The following MMS19 variants were observed in gnomAD, a reference collection of about 807,000 sequenced individuals.
MMS19 encodes MMS19 cytosolic iron-sulfur assembly component.
MMS19 carries 77 observed loss-of-function variants against 129.8 expected under a neutral mutation model. The ratio of observed to expected loss-of-function variants is 0.59; its 90% CI spans 0.49 to 0.72. The LOEUF (loss-of-function observed/expected upper bound fraction) is 0.72, where lower values mean the gene tolerates loss of function less well. Among genes scored for constraint, MMS19 ranks in the 30% least tolerant of loss-of-function variants. The probability of loss-of-function intolerance (pLI) is 0.00; values close to 1 mark genes in which losing one functional copy is unlikely to be tolerated. For missense variants in MMS19, 1,168 were observed against 1,266.3 expected (o/e 0.92, Z 1.18); for synonymous variants, 491 against 502.8 (o/e 0.98, Z 0.31).
At position 97,476,636 on chromosome 10, in the gene MMS19, G is replaced by GC. The variant is rs1207243753; in HGVS notation, c.684+46dup. 3 of 1,584,216 alleles carry GC rather than the reference G, an allele frequency of 1.9e-6. No individual in the cohort carries two copies. In the African/African-American group the frequency reaches 4.0e-5, roughly 21 times the overall value. ...TGCCCAGAACAGGGCTTGGCACATA[G>GC]CAGACACTCAATAAATATATGATCA... is the stretch of plus-strand genomic sequence containing the variant. On this transcript the variant is annotated intron_variant, in intron 8 of 30. Transcript: ENST00000438925.
intron 3 of MMS19, among the ~76,000 whole-genome samples, chr10:97,479,931 G>A (rs2036443586): frequency 6.6e-6 from 1 of 152,046 alleles, no homozygotes; most frequent in Non-Finnish European, 1.5e-5. Context: ...AAAGTTTCCT[G>A]TAAAGCCCTG....
intron 8 of MMS19, among the ~76,000 whole-genome samples, chr10:97,476,197 CTTCT>C (rs748773556): frequency 4.6e-5 from 7 of 152,186 alleles, no homozygotes; most frequent in Non-Finnish European, 5.9e-5. Context: ...ACAATTGTGC[CTTCT>C]TTGTTTTGTC....
chr10:97,460,984 G>A lies in MMS19; in HGVS notation c.2335C>T (p.Gln779Ter). ...PAGQQLDEFL[Q>*]LAVDKVEAGL... is the part of the protein sequence containing the mutation. ...GCCTCCACTTTGTCCACAGCTAGCT[G>A]TAGGAATTCATCCAGCTGCTGCCCT... The change falls in exon 24 of 31, where the codon CAG (glutamine) becomes TAG (stop). Residue 779 changes from glutamine (Q) to a stop codon, truncating the protein, a stop_gained. Coordinates refer to ENST00000438925, the MANE Select transcript of MMS19 (RefSeq NM_022362.5). LOFTEE classifies it high-confidence loss of function. 6.4e-7 allele frequency: 1 copy of A among 1,566,750 alleles called. No homozygotes were observed. The highest frequency in any genetic ancestry group is 1.2e-5 in the South Asian group (1 of 85,116).
intron 2 of MMS19, among the ~76,000 whole-genome samples, chr10:97,482,737 TACACACACAC>T (rs764606344): frequency 0.016 from 1,592 of 98,426 alleles, 9 homozygotes; most frequent in Non-Finnish European, 0.022. Context: ...TGTATATATA[TACACACACAC>T]ACACACACAC....
chr10:97,481,977 C>T (rs1315965761), intron 2 of MMS19, among the ~76,000 whole-genome samples: 4 of 152,136 alleles, frequency 2.6e-5, no homozygotes, highest in Non-Finnish European at 4.4e-5. Flanking sequence ...GCAGTCGTGA[C>T]CAGCCTGGGC....
rs754281666 is a variant in MMS19 at position 97,494,032 on chromosome 10, C to CA, written c.112+4240dup. Among the ~76,000 whole-genome samples, 4 of 151,984 alleles carry CA rather than the reference C, an allele frequency of 2.6e-5. No individual in the cohort carries two copies. In the East Asian group the frequency reaches 5.8e-4, roughly 22 times the overall value. On this transcript the variant is annotated intron_variant, in intron 1 of 30. Transcript: ENST00000438925. ...TCCATCTCAAAAGCAAACAAACAAACAACAACAACAACACACCCGTAATAC... is the reference window on the plus strand; with the variant it reads ...TCCATCTCAAAAGCAAACAAACAAACAAACAACAACAACACACCCGTAATAC...
intron 14 of MMS19, 85 bp downstream of exon 14, chr10:97,467,420 T>G: frequency 9.7e-7 from 1 of 1,033,044 alleles, no homozygotes; most frequent in East Asian, 2.4e-5. Context: ...TAGACTACTT[T>G]TCCACAGCAC....
At chr10:97,481,261 C>A (rs2036748793) in intron 2 of MMS19, among the ~76,000 whole-genome samples, 1 of 152,072 alleles carries the variant, frequency 6.6e-6, no homozygotes, top group African/African-American at 2.4e-5. Flanking sequence ...GAAGTGGCAT[C>A]ATTTAGAGGC....
At chr10:97,480,881 T>C (rs1036913680) in intron 3 of MMS19, 61 bp downstream of exon 3, 5 of 1,212,972 alleles carry the variant, frequency 4.1e-6, no homozygotes, top group Admixed American at 3.9e-5. Flanking sequence ...TTGGCTTGAA[T>C]AGACATGGGA....
At chr10:97,482,737 T>TATACACAC (rs1369918391) in intron 2 of MMS19, among the ~76,000 whole-genome samples, 2 of 98,446 alleles carry the variant, frequency 2.0e-5, no homozygotes, top group African/African-American at 3.7e-5. Flanking sequence ...TGTATATATA[T>TATACACAC]ACACACACAC....
At chr10:97,498,610 G>A (rs2040248902), upstream of MMS19, 1 of 554,466 alleles carries the variant, frequency 1.8e-6, no homozygotes, top group Non-Finnish European at 3.1e-6. Flanking sequence ...GGAGGCGATT[G>A]AGGGCGAATA....
chr10:97,489,573 T>C (rs986792165), intron 1 of MMS19, among the ~76,000 whole-genome samples: 2 of 152,232 alleles, frequency 1.3e-5, no homozygotes, highest in Non-Finnish European at 2.9e-5. Flanking sequence ...TGATACACAC[T>C]ATTAACTAAA....
chr10:97,462,004 C>A lies in MMS19; in HGVS notation c.2115+13G>T, dbSNP rs29001325. On this transcript the variant is annotated intron_variant, in intron 21 of 30. Transcript: ENST00000438925. ...AAAACCAGCTTGAAGGATGTAAGTTCTAAGACTGTTACCTGGAATGGCTGG... is the reference window on the plus strand; with the variant it reads ...AAAACCAGCTTGAAGGATGTAAGTTATAAGACTGTTACCTGGAATGGCTGG... The A allele has an allele frequency of 6.4e-4, 1,016 of 1,579,302 alleles. 4 individuals are homozygous for A. In the African/African-American group the frequency reaches 9.3e-3, roughly 14 times the overall value.
In MMS19 at chr10:97,462,044, G is replaced by C; in HGVS notation, c.2088C>G (p.Ser696Arg). Residue 696 changes from serine to arginine, a missense_variant, in exon 21 of 31, where the codon AGC (serine) becomes AGG (arginine). Coordinates refer to ENST00000438925, the MANE Select transcript of MMS19 (RefSeq NM_022362.5). ...DGNVSFLPEN[S>R]FPSRFQPFQD... ...GGAATGGCTGGAATCTGCTCGGGAA[G>C]CTGTTTTCAGGCAGAAAGGACACGT... 6.3e-7 allele frequency: 1 copy of C among 1,593,562 alleles called. No individual in the cohort carries two copies. The highest frequency in any genetic ancestry group is 8.5e-7 in the Non-Finnish European group (1 of 1,169,922).
In MMS19 at chr10:97,469,632, TGAG is replaced by T. The variant is rs749937219; in HGVS notation, c.924+11_924+13del. The T allele has an allele frequency of 1.2e-6, 2 of 1,606,690 alleles. No individual in the cohort carries two copies. Among genetic ancestry groups the T allele is most frequent in the Non-Finnish European group, 1.7e-6 (2 of 1,173,352 alleles). ...GAAAGTTAACAGTAGTGAGTTTATCTGAGTGACACTCACCTCTCTGCGGATAGA... is the reference window on the plus strand; with the variant it reads ...GAAAGTTAACAGTAGTGAGTTTATCTTGACACTCACCTCTCTGCGGATAGA... On this transcript the variant is annotated intron_variant, in intron 11 of 30. Transcript: ENST00000438925.
chr10:97,486,858 G>A (rs1236769015), intron 1 of MMS19, among the ~76,000 whole-genome samples: 3 of 40,530 alleles, frequency 7.4e-5, no homozygotes, highest in East Asian at 4.2e-4. Flanking sequence ...TGAAATTAAA[G>A]TGCCATATAT....
chr10:97,458,782 C>A lies in MMS19; in HGVS notation c.3065+18G>T. ...GGCTCATCTTGGTCCCATCTCTCCC[C>A]ACGACCTAGAAACTCACCACTCCCC... On this transcript the variant is annotated intron_variant, in intron 30 of 30. Transcript: ENST00000438925. The A allele has an allele frequency of 6.2e-7, 1 of 1,613,780 alleles. No homozygotes were observed. Among genetic ancestry groups the A allele is most frequent in the Middle Eastern group, 1.6e-4 (1 of 6,062 alleles).
At chr10:97,471,067 T>C (rs1211808563) in intron 8 of MMS19, among the ~76,000 whole-genome samples, 1 of 152,168 alleles carries the variant, frequency 6.6e-6, no homozygotes, top group East Asian at 1.9e-4. Flanking sequence ...AAAATCTGAT[T>C]ACACATTTTC....
In MMS19 at chr10:97,460,028, T is replaced by G. The variant is rs2031306561; in HGVS notation, c.2656+18A>C. 6.2e-7 allele frequency: 1 copy of G among 1,610,812 alleles called. No individual in the cohort carries two copies. Among genetic ancestry groups the G allele is most frequent in the Non-Finnish European group, 8.5e-7 (1 of 1,177,560 alleles). On this transcript the variant is annotated intron_variant, in intron 26 of 30. Transcript: ENST00000438925. ...GGAGAGATGTGTATATGTGGGGACC[T>G]TCTTTCAGACTCCTCACCTTGGGGA...
Sources: allele counts gnomAD v4.1 joint callset (sites outside exome capture counted in the v4.1 genomes callset), GRCh38; gene constraint gnomAD v4.1.1; transcripts MANE v1.5; gene names NCBI Gene and HGNC (gene_info 2026-07-23, HGNC 2026-07-21).